Variants in ETV6 observed in about 807,000 individuals in gnomAD.
ETV6 encodes the protein transcription factor ETV6.
Under a neutral mutation model 51.1 loss-of-function variants are expected in ETV6, and 16 were observed. The observed-to-expected ratio is 0.31, with a 90% CI of 0.21 to 0.48. ETV6 has a LOEUF of 0.48. Among genes scored for constraint, ETV6 ranks in the 20% least tolerant of loss-of-function variants. The pLI is 0.99. For synonymous variants in ETV6, 240 were observed against 224.1 expected (o/e 1.07, Z -0.64); for missense variants, 458 against 594.8 (o/e 0.77, Z 2.39).
At position 11,869,002 on chromosome 12, in the gene ETV6, T is replaced by C. The variant is rs1946832018; in HGVS notation, c.464-422T>C. 6.6e-6 allele frequency among the ~76,000 whole-genome samples: 1 copy of C among 152,068 alleles called. No homozygotes were observed. The highest frequency in any genetic ancestry group is 6.5e-5 in the Admixed American group (1 of 15,276). On this transcript the variant is annotated intron_variant, in intron 4 of 7. Coordinates refer to ENST00000396373, the MANE Select transcript of ETV6 (RefSeq NM_001987.5). The surrounding 1 kb of genome is among the most constrained non-coding windows in gnomAD (Gnocchi z 5.0). ...CTGTAATCCCAGCACTTTGGGAGGC[T>C]GAGGCAGGCAGAGCACGAGGTCAGG... is the stretch of plus-strand genomic sequence containing the variant.
intron 2 of ETV6, among the ~76,000 whole-genome samples, chr12:11,812,183 T>G (rs984637368): frequency 5.9e-5 from 9 of 152,178 alleles, no homozygotes; most frequent in Admixed American, 2.6e-4. Context: ...TTGTAGATAT[T>G]CTCCCATTTT....
At chr12:11,653,845 G>T (rs538224312) in intron 1 of ETV6, among the ~76,000 whole-genome samples, 1 of 152,026 alleles carries the variant, frequency 6.6e-6, no homozygotes, top group African/African-American at 2.4e-5. Context: ...ACAGAGTCTC[G>T]CTCTGTCGCC....
Position 11,690,911 on chromosome 12 carries a change from A to AAATAAATAAAG in ETV6, c.33+40751_33+40752insAATAAATAAAG, listed in dbSNP as rs1491069924. 2.0e-4 allele frequency among the ~76,000 whole-genome samples: 4 copies of AAATAAATAAAG among 19,712 alleles called. No individual in the cohort carries two copies. In the Admixed American group the frequency reaches 2.2e-3, roughly 11 times the overall value. 12.9% of individuals were successfully genotyped at this position (19,712 alleles called of 152,430 possible). On this transcript the variant is annotated intron_variant, in intron 1 of 7. Transcript: ENST00000396373. ...CTAAATAAATAAATAAATAAATAAA[A>AAATAAATAAAG]TTATATAAAATAAATAGTGTAATAA...
Position 11,889,176 on chromosome 12 carries a change from G to A in ETV6, c.1254-1765G>A, listed in dbSNP as rs140321125. 4.6e-4 allele frequency among the ~76,000 whole-genome samples: 70 copies of A among 152,188 alleles called. No individual in the cohort carries two copies. The South Asian group carries it at 0.012, about 26-fold the overall frequency. On this transcript the variant is annotated intron_variant, in intron 7 of 7. Coordinates refer to ENST00000396373, the MANE Select transcript of ETV6 (RefSeq NM_001987.5). Reference sequence around the variant, plus strand: ...CTTAGAGGGGCTCTTTATTGACTTCGGATGTGGAGGGAGAAATTTTAGTTA... The same window carrying A: ...CTTAGAGGGGCTCTTTATTGACTTCAGATGTGGAGGGAGAAATTTTAGTTA...
chr12:11,806,066 G>A (rs923742849), intron 2 of ETV6, among the ~76,000 whole-genome samples: 1 of 152,204 alleles, frequency 6.6e-6, no homozygotes, highest in African/African-American at 2.4e-5. Flanking sequence ...GATTGGTGGA[G>A]GTGGCTAGAA....
intron 1 of ETV6, among the ~76,000 whole-genome samples, chr12:11,723,823 G>C (rs1865438634): frequency 6.6e-6 from 1 of 152,088 alleles, no homozygotes; most frequent in Non-Finnish European, 1.5e-5. Context: ...TATTTCACTA[G>C]CTTCTACCTG....
Position 11,651,458 on chromosome 12 carries a change from G to A in ETV6, c.33+1298G>A, listed in dbSNP as rs189321834. ...AAAGATATTCATGGGTTTGAGGATA[G>A]GCTAATGTGAAATCAAAAGGTGGTT... On this transcript the variant is annotated intron_variant, in intron 1 of 7. Coordinates refer to ENST00000396373, the MANE Select transcript of ETV6 (RefSeq NM_001987.5). 2.3e-3 allele frequency among the ~76,000 whole-genome samples: 345 copies of A among 152,298 alleles called. 2 individuals are homozygous for A. Among genetic ancestry groups the A allele is most frequent in the African/African-American group, 7.8e-3 (323 of 41,554 alleles).
At chr12:11,731,073 A>G (rs1865586755) in intron 1 of ETV6, among the ~76,000 whole-genome samples, 2 of 152,148 alleles carry the variant, frequency 1.3e-5, no homozygotes. Context: ...CTCTTTGTGA[A>G]TGGGAAGTGC....
At chr12:11,732,597 A>T (rs1336318958) in intron 1 of ETV6, among the ~76,000 whole-genome samples, 1 of 152,114 alleles carries the variant, frequency 6.6e-6, no homozygotes, top group Non-Finnish European at 1.5e-5. Flanking sequence ...TTTTTCTGCC[A>T]TCGTGCACTG....
At chr12:11,889,810 T>C (rs1352710823) in intron 7 of ETV6, among the ~76,000 whole-genome samples, 2 of 152,156 alleles carry the variant, frequency 1.3e-5, no homozygotes. Context: ...TTTTAGGCTT[T>C]TGCATGTGGA....
At chr12:11,731,209 T>C (rs1393354486) in intron 1 of ETV6, among the ~76,000 whole-genome samples, 1 of 152,244 alleles carries the variant, frequency 6.6e-6, no homozygotes, top group African/African-American at 2.4e-5. Flanking sequence ...TACTGTGATG[T>C]ATGAAATAAA....
At chr12:11,769,063 T>G (rs1945203870) in intron 2 of ETV6, 1 of 424,956 alleles carries the variant, frequency 2.4e-6, no homozygotes, top group Non-Finnish European at 4.7e-6. Context: ...GGATAATAAT[T>G]ATCAAAACCA....
chr12:11,859,111 T>A, intron 4 of ETV6, among the ~76,000 whole-genome samples: 1 of 136,498 alleles, frequency 7.3e-6, no homozygotes, highest in Non-Finnish European at 1.5e-5. Context: ...ATGAGGTATA[T>A]GAATCTGGTT....
intron 4 of ETV6, among the ~76,000 whole-genome samples, chr12:11,863,736 G>C (rs997410474): frequency 1.3e-5 from 2 of 152,196 alleles, no homozygotes; most frequent in Admixed American, 1.3e-4. Flanking sequence ...GAGCTTCTCT[G>C]CCTGCCGGCT....
At chr12:11,752,397 A>G in intron 1 of ETV6, 53 bp from the exon 2 acceptor site, 2 of 1,571,058 alleles carry the variant, frequency 1.3e-6, no homozygotes, top group Non-Finnish European at 1.7e-6. Flanking sequence ...CCTCCATTCC[A>G]AGCTTTCATT....
rs1947280161 is a variant in ETV6, at chr12:11,891,101, A to C, written c.*55A>C. On this transcript the variant is annotated 3_prime_UTR_variant, in exon 8 of 8. Coordinates refer to ENST00000396373, the MANE Select transcript of ETV6 (RefSeq NM_001987.5). Reference sequence around the variant, plus strand: ...GCAGCCCAGGGAACCCCTGCCCACCAGGATTGCTGGAAGTGTGACGGAGCA... The same window carrying C: ...GCAGCCCAGGGAACCCCTGCCCACCCGGATTGCTGGAAGTGTGACGGAGCA... The C allele has an allele frequency of 7.1e-7, 1 of 1,402,416 alleles. No homozygotes were observed. The highest frequency in any genetic ancestry group is 1.0e-6 in the Non-Finnish European group (1 of 995,702). The allele number at this position is 1,402,416 out of a possible 1,614,324, so 86.9% of individuals were successfully genotyped here. A position where few individuals can be genotyped will look rare whatever the true frequency, so the allele number is the denominator to read the frequency against.
intron 2 of ETV6, among the ~76,000 whole-genome samples, chr12:11,832,987 G>C (rs915160406): frequency 6.6e-6 from 1 of 152,214 alleles, no homozygotes. Flanking sequence ...AAATTACAGA[G>C]TATAGATGCT....
rs202237796 is a variant in ETV6 at position 11,869,373 on chromosome 12, T to C, written c.464-51T>C. ...GCCTGTAGAGCCGCAGGGAGTTTCCTGTCCTGCCAACTCACTGGGGTCTGT... is the reference window on the plus strand; with the variant it reads ...GCCTGTAGAGCCGCAGGGAGTTTCCCGTCCTGCCAACTCACTGGGGTCTGT... On this transcript the variant is annotated intron_variant, in intron 4 of 7. Transcript: ENST00000396373. The surrounding 1 kb of genome is among the most constrained non-coding windows in gnomAD (Gnocchi z 5.0). The C allele has an allele frequency of 1.1e-4, 162 of 1,533,832 alleles. No homozygotes were observed. Among genetic ancestry groups the C allele is most frequent in the Non-Finnish European group, 1.4e-4 (154 of 1,130,388 alleles).
chr12:11,661,001 C>A (rs1464148170), intron 1 of ETV6, among the ~76,000 whole-genome samples: 1 of 152,104 alleles, frequency 6.6e-6, no homozygotes, highest in Non-Finnish European at 1.5e-5. Flanking sequence ...ATTGCTGTAT[C>A]CTCTTTTCTT....
Sources: allele counts gnomAD v4.1 joint callset (sites outside exome capture counted in the v4.1 genomes callset), GRCh38; gene constraint gnomAD v4.1.1; non-coding constraint Gnocchi (gnomAD v3.1); transcripts MANE v1.5; gene names NCBI Gene and HGNC (gene_info 2026-07-23, HGNC 2026-07-21).